The following UBE2V2 variants were observed in gnomAD, a reference collection of about 807,000 sequenced individuals.
UBE2V2 encodes the protein ubiquitin conjugating enzyme E2 V2.
A neutral mutation model predicts 17.2 loss-of-function variants in UBE2V2; 9 were observed. The observed-to-expected ratio is 0.52, with a 90% CI of 0.32 to 0.91. The LOEUF is 0.91. Ranked by LOEUF, UBE2V2 falls within the 40% of genes least tolerant of loss-of-function variation. UBE2V2 has a pLI of 0.04. For synonymous variants in UBE2V2, 61 were observed against 57.5 expected (o/e 1.06, Z -0.28); for missense variants, 133 against 182.6 (o/e 0.73, Z 1.56).
At chr8:48,024,539 G>A (rs1346485520) in intron 1 of UBE2V2, among the ~76,000 whole-genome samples, 1 of 151,704 alleles carries the variant, frequency 6.6e-6, no homozygotes, top group Non-Finnish European at 1.5e-5. Context: ...AGGTTGTGGT[G>A]AGCCGAGATC....
chr8:48,059,955 C>T (rs1031114025), intron 3 of UBE2V2, among the ~76,000 whole-genome samples: 2 of 152,014 alleles, frequency 1.3e-5, no homozygotes, highest in African/African-American at 4.8e-5. Flanking sequence ...CCTGTAATCC[C>T]AGCACTTTGG....
chr8:48,008,618 C>A, intron 1 of UBE2V2, 148 bp downstream of exon 1: 2 of 1,158,130 alleles, frequency 1.7e-6, no homozygotes, highest in African/African-American at 3.3e-5. Context: ...TAGCCTGGGA[C>A]CGGGTGGGAC....
At chr8:48,007,215 T>C (rs2091190148), upstream of UBE2V2, among the ~76,000 whole-genome samples, 1 of 152,052 alleles carries the variant, frequency 6.6e-6, no homozygotes, top group African/African-American at 2.4e-5. Flanking sequence ...AAAGATGCCC[T>C]CTCTCACCAC....
rs1302532128 is a variant in UBE2V2, at chr8:48,061,674, C to A, written c.*846C>A. The A allele has an allele frequency of 2.6e-5, 4 of 152,514 alleles. No homozygotes were observed. The South Asian group carries it at 8.3e-4, about 32-fold the overall frequency. 9.4% of individuals were successfully genotyped at this position (152,514 alleles called of 1,614,324 possible). On this transcript the variant is annotated 3_prime_UTR_variant, in exon 4 of 4. Transcript: ENST00000523111. ...TTTCATGTATACACACTTTTATTTACCCTATTTTGTGTACTTCTTGTGAAT... is the reference window on the plus strand; with the variant it reads ...TTTCATGTATACACACTTTTATTTAACCTATTTTGTGTACTTCTTGTGAAT...
In UBE2V2 at chr8:48,035,107, C is replaced by CTTTTTTTTT. The variant is rs578114987; in HGVS notation, c.17-7909_17-7901dup. 7.6e-4 allele frequency: 648 copies of CTTTTTTTTT among 854,650 alleles called. 1 individual carries two copies. The highest frequency in any genetic ancestry group is 3.5e-3 in the Admixed American group (25 of 7,050). The allele number at this position is 854,650 out of a possible 1,614,324, so 52.9% of individuals were successfully genotyped here. A position where few individuals can be genotyped will look rare whatever the true frequency, so the allele number is the denominator to read the frequency against. On this transcript the variant is annotated intron_variant, in intron 1 of 3. Coordinates refer to ENST00000523111, the MANE Select transcript of UBE2V2 (RefSeq NM_003350.3). ...TAGCATTGCTGCTTCCCTATTTATT[C>CTTTTTTTTT]TTTTTTTTTTTTTTTTTTTTTTTTT... is the stretch of plus-strand genomic sequence containing the variant.
chr8:48,039,075 AT>A (rs1252601603), intron 1 of UBE2V2, among the ~76,000 whole-genome samples: 1 of 147,480 alleles, frequency 6.8e-6, no homozygotes, highest in Admixed American at 6.8e-5. Flanking sequence ...ATGGGTTTGT[AT>A]TTTTAGTAGA....
At chr8:48,029,245 C>G (rs1459681899) in intron 1 of UBE2V2, among the ~76,000 whole-genome samples, 2 of 152,136 alleles carry the variant, frequency 1.3e-5, no homozygotes, top group Non-Finnish European at 2.9e-5. Flanking sequence ...AGGAGGATCA[C>G]TTGTGCCCAG....
intron 1 of UBE2V2, among the ~76,000 whole-genome samples, chr8:48,026,349 A>G (rs923781756): frequency 6.6e-6 from 1 of 152,196 alleles, no homozygotes; most frequent in Non-Finnish European, 1.5e-5. Context: ...GCTTCATAAG[A>G]AAGCTGAACT....
At chr8:48,007,934 T>G (rs1053987843), upstream of UBE2V2, among the ~76,000 whole-genome samples, 2 of 152,144 alleles carry the variant, frequency 1.3e-5, no homozygotes, top group Admixed American at 1.3e-4. Flanking sequence ...TTTTTATTTA[T>G]TTTTTTGAGG....
intron 1 of UBE2V2, among the ~76,000 whole-genome samples, chr8:48,023,277 G>A (rs1277633226): frequency 2.7e-5 from 4 of 150,560 alleles, no homozygotes; most frequent in Non-Finnish European, 5.9e-5. Context: ...GTGCGGTGGC[G>A]CGATCTTGGC....
At position 48,058,190 on chromosome 8, in the gene UBE2V2, C is replaced by T. The variant is rs149065522; in HGVS notation, c.292-2492C>T. 2.0e-3 allele frequency among the ~76,000 whole-genome samples: 302 copies of T among 152,106 alleles called. 2 individuals carry two copies. The highest frequency in any genetic ancestry group is 6.8e-3 in the African/African-American group (283 of 41,478). The stretch of plus-strand genomic sequence containing the variant: ...CTCTATAAAAAATACAAAAATTGGC[C>T]GGGCGTGGTGGCTCATGCCTGTAAT... On this transcript the variant is annotated intron_variant, in intron 3 of 3. Transcript: ENST00000523111.
At chr8:48,032,735 C>G (rs1396789096) in intron 1 of UBE2V2, among the ~76,000 whole-genome samples, 2 of 152,132 alleles carry the variant, frequency 1.3e-5, no homozygotes, top group Non-Finnish European at 2.9e-5. Context: ...TCAAAACAAA[C>G]ACGCAGACAC....
At chr8:48,037,793 G>A (rs1444002015) in intron 1 of UBE2V2, among the ~76,000 whole-genome samples, 1 of 152,228 alleles carries the variant, frequency 6.6e-6, no homozygotes, top group East Asian at 1.9e-4. Flanking sequence ...CTTTGTCTCA[G>A]TTAACTGAGT....
chr8:48,044,144 T>C (rs2091482697), intron 2 of UBE2V2, among the ~76,000 whole-genome samples: 1 of 149,098 alleles, frequency 6.7e-6, no homozygotes, highest in South Asian at 2.1e-4. Flanking sequence ...GAGTTCCTCC[T>C]GATGATGATG....
At chr8:48,055,063 A>G (rs2091563002) in intron 3 of UBE2V2, among the ~76,000 whole-genome samples, 1 of 151,990 alleles carries the variant, frequency 6.6e-6, no homozygotes. Flanking sequence ...TTATTTTTAT[A>G]AACTGTTCAG....
At chr8:48,059,368 C>T (rs1348652947) in intron 3 of UBE2V2, among the ~76,000 whole-genome samples, 1 of 151,874 alleles carries the variant, frequency 6.6e-6, no homozygotes, top group African/African-American at 2.4e-5. Context: ...TTTGGAGACA[C>T]TTCGTTTCCC....
intron 1 of UBE2V2, among the ~76,000 whole-genome samples, chr8:48,010,399 G>GTTT (rs934421477): frequency 8.1e-6 from 1 of 123,004 alleles, no homozygotes; most frequent in Non-Finnish European, 1.7e-5. Flanking sequence ...CCATCTACTA[G>GTTT]TTTTTTTTTT....
chr8:48,052,812 C>T (rs754957470), intron 3 of UBE2V2, among the ~76,000 whole-genome samples: 12 of 152,196 alleles, frequency 7.9e-5, no homozygotes, highest in Non-Finnish European at 1.5e-4. Context: ...GGCCTGCATG[C>T]CTTTCGTTTG....
At chr8:48,041,370 T>C (rs2091463495) in intron 1 of UBE2V2, among the ~76,000 whole-genome samples, 1 of 151,938 alleles carries the variant, frequency 6.6e-6, no homozygotes, top group Non-Finnish European at 1.5e-5. Context: ...TAATCCCAGC[T>C]ATTTGAGAGG....
Sources: gnomAD v4.1 joint callset for allele counts (sites outside exome capture counted in the v4.1 genomes callset) on GRCh38, gnomAD v4.1.1 for gene constraint, MANE v1.5 for transcripts, NCBI Gene and HGNC (gene_info 2026-07-23, HGNC 2026-07-21) for gene names.